Variants in MOGAT1 observed in about 807,000 individuals in gnomAD.
MOGAT1 encodes the protein monoacylglycerol O-acyltransferase 1, also known as 2-acylglycerol O-acyltransferase 1.
In MOGAT1, 32 loss-of-function variants were observed where a neutral mutation model predicts 31.4. The ratio of observed to expected loss-of-function variants is 1.02; its 90% CI spans 0.77 to 1.37. MOGAT1 has a LOEUF of 1.37. Ranked by LOEUF, MOGAT1 falls within the 40% of genes most tolerant of loss-of-function variation. The pLI, the probability that MOGAT1 is intolerant of heterozygous loss-of-function variation, is 0.00. For missense variants in MOGAT1, 426 were observed against 402.0 expected (o/e 1.06, Z -0.51); for synonymous variants, 145 against 144.5 (o/e 1.00, Z -0.03).
chr2:222,691,949 A>G (rs1343192649), intron 3 of MOGAT1, among the ~76,000 whole-genome samples: 1 of 152,238 alleles, frequency 6.6e-6, no homozygotes, highest in African/African-American at 2.4e-5. Context: ...TTTCAGGTTC[A>G]TACTTCTTTC....
At chr2:222,696,968 A>G (rs13426447) in intron 5 of MOGAT1, among the ~76,000 whole-genome samples, 33,722 of 152,066 alleles carry the variant, frequency 0.22, 3,921 homozygotes, top group Non-Finnish European at 0.25. Flanking sequence ...TGAGCCCAGG[A>G]GTTGGAGGTT....
intron 1 of MOGAT1, among the ~76,000 whole-genome samples, chr2:222,686,136 T>C (rs1343608943): frequency 6.6e-6 from 1 of 152,206 alleles, no homozygotes; most frequent in African/African-American, 2.4e-5. Flanking sequence ...TCTTTATGCT[T>C]ACGAACCTGC....
At chr2:222,672,429 G>A (rs1033515340) in intron 1 of MOGAT1, among the ~76,000 whole-genome samples, 2 of 152,146 alleles carry the variant, frequency 1.3e-5, no homozygotes, top group African/African-American at 2.4e-5. Flanking sequence ...ATTGCATTTG[G>A]TTGAGCGGTT....
rs1051227110 is a variant in MOGAT1 at position 222,694,250 on chromosome 2, A to G, written c.479-112A>G. On this transcript the variant is annotated intron_variant, in intron 3 of 5. Coordinates refer to ENST00000446656, the MANE Select transcript of MOGAT1 (RefSeq NM_058165.3). Reference sequence around the variant, plus strand: ...AAACTTACAAAGTGCTCCAAAGGTAAGCAGTGTAGGAAATTTTGTTAAATG... The same window carrying G: ...AAACTTACAAAGTGCTCCAAAGGTAGGCAGTGTAGGAAATTTTGTTAAATG... 7 of 940,568 alleles carry G rather than the reference A, an allele frequency of 7.4e-6. No individual in the cohort carries two copies. In the Admixed American group the frequency reaches 1.9e-4, roughly 25 times the overall value. 58.3% of individuals were successfully genotyped at this position (940,568 alleles called of 1,614,324 possible). A position where few individuals can be genotyped will look rare whatever the true frequency, so the allele number is the denominator to read the frequency against.
At chr2:222,703,282 G>C (rs1041797712) in intron 5 of MOGAT1, among the ~76,000 whole-genome samples, 5 of 152,182 alleles carry the variant, frequency 3.3e-5, no homozygotes, top group African/African-American at 1.2e-4. Flanking sequence ...TGGTGATAAC[G>C]TTCCTTCCTT....
rs905953002 is a variant in MOGAT1, at chr2:222,702,389, T to C, written c.853+7101T>C. Among the ~76,000 whole-genome samples, 11 of 152,222 alleles carry C rather than the reference T, an allele frequency of 7.2e-5. No individual in the cohort carries two copies. In the South Asian group the frequency reaches 1.2e-3, roughly 17 times the overall value. ...CTTGAGTATAATAATGGTGTTGTTA[T>C]ATAGGACATTGTTCTTGTTTTTAAG... On this transcript the variant is annotated intron_variant, in intron 5 of 5. Coordinates refer to ENST00000446656, the MANE Select transcript of MOGAT1 (RefSeq NM_058165.3).
chr2:222,687,146 ACAAGAAAGAAAGAAAAAAT>A (rs1398702533), intron 1 of MOGAT1, among the ~76,000 whole-genome samples: 1 of 61,222 alleles, frequency 1.6e-5, no homozygotes, highest in African/African-American at 1.3e-4. Flanking sequence ...AAAAGAAAGA[ACAAGAAAGAAAGAAAAAAT>A]ATATATAAAT....
chr2:222,702,897 A>T lies in MOGAT1; in HGVS notation c.854-6839A>T, dbSNP rs550879026. ...GTAAGGGATTTCGTAAAATATTTTT[A>T]AAAAAATAAAGAAAGGGAAACTTAA... On this transcript the variant is annotated intron_variant, in intron 5 of 5. Transcript: ENST00000446656. Among the ~76,000 whole-genome samples the T allele has an allele frequency of 2.2e-3, 326 of 150,046 alleles. 1 individual carries two copies. Among genetic ancestry groups the T allele is most frequent in the African/African-American group, 7.4e-3 (294 of 39,586 alleles).
intron 1 of MOGAT1, among the ~76,000 whole-genome samples, chr2:222,685,786 A>G (rs566041527): frequency 4.9e-4 from 74 of 151,880 alleles, no homozygotes; most frequent in African/African-American, 9.7e-4. Flanking sequence ...TTTTTAGTAG[A>G]GACAGGGTTT....
At chr2:222,673,491 C>T (rs751234659) in intron 1 of MOGAT1, among the ~76,000 whole-genome samples, 2 of 152,192 alleles carry the variant, frequency 1.3e-5, no homozygotes, top group Non-Finnish European at 2.9e-5. Context: ...GCAACATCCA[C>T]GATTAACTAG....
intron 5 of MOGAT1, among the ~76,000 whole-genome samples, chr2:222,708,643 C>T (rs112208919): frequency 1.3e-5 from 2 of 152,296 alleles, no homozygotes; most frequent in African/African-American, 2.4e-5. Context: ...CCCATCCCTA[C>T]GTCCTTACCA....
chr2:222,701,220 A>G (rs1692912840), intron 5 of MOGAT1, among the ~76,000 whole-genome samples: 1 of 151,678 alleles, frequency 6.6e-6, no homozygotes, highest in South Asian at 2.1e-4. Context: ...AGATCGTGCC[A>G]CTGCACTCCA....
intron 1 of MOGAT1, among the ~76,000 whole-genome samples, chr2:222,685,745 C>T (rs144012137): frequency 0.039 from 5,982 of 151,540 alleles, 140 homozygotes; most frequent in African/African-American, 0.059. Context: ...GGATTACAGG[C>T]ACCCACCACC....
Position 222,692,814 on chromosome 2 carries a change from G to A in MOGAT1, c.479-1548G>A, listed in dbSNP as rs115601681. ...GGAGCCTGAGGGAAAACGGAGGAGT[G>A]GCCAGAGGCAAGCTAGGAGAGCCAG... On this transcript the variant is annotated intron_variant, in intron 3 of 5. Transcript: ENST00000446656. Among the ~76,000 whole-genome samples the A allele has an allele frequency of 6.6e-3, 999 of 152,234 alleles. 12 individuals are homozygous for A. The highest frequency in any genetic ancestry group is 0.023 in the African/African-American group (969 of 41,542).
At chr2:222,691,038 G>T (rs1692752789) in intron 3 of MOGAT1, among the ~76,000 whole-genome samples, 1 of 152,178 alleles carries the variant, frequency 6.6e-6, no homozygotes, top group African/African-American at 2.4e-5. Context: ...ATGGACAAGA[G>T]ATGTAGGTAC....
chr2:222,690,335 G>C (rs1427386032), intron 3 of MOGAT1, among the ~76,000 whole-genome samples: 1 of 152,128 alleles, frequency 6.6e-6, no homozygotes, highest in Non-Finnish European at 1.5e-5. Flanking sequence ...GAGGTGGGGT[G>C]AATCACTTGA....
At chr2:222,683,664 G>A (rs996783651) in intron 1 of MOGAT1, among the ~76,000 whole-genome samples, 2 of 151,442 alleles carry the variant, frequency 1.3e-5, no homozygotes, top group African/African-American at 4.9e-5. Context: ...GGAGGTGGAG[G>A]TTCAGTGAGC....
At chr2:222,690,083 T>C (rs546628192) in intron 3 of MOGAT1, among the ~76,000 whole-genome samples, 5 of 152,216 alleles carry the variant, frequency 3.3e-5, no homozygotes, top group East Asian at 1.9e-4. Context: ...GGCAAAACCC[T>C]GTCTCTACAA....
intron 1 of MOGAT1, among the ~76,000 whole-genome samples, chr2:222,685,027 A>G (rs1026602230): frequency 2.0e-5 from 3 of 152,254 alleles, no homozygotes; most frequent in African/African-American, 7.2e-5. Context: ...AATATTGATC[A>G]GTCGTTAAAA....
Sources: allele counts gnomAD v4.1 joint callset (sites outside exome capture counted in the v4.1 genomes callset), GRCh38; gene constraint gnomAD v4.1.1; transcripts MANE v1.5; gene names NCBI Gene and HGNC (gene_info 2026-07-23, HGNC 2026-07-21).